Variants in LCTL observed in about 807,000 individuals in gnomAD.
LCTL encodes lactase like.
Under a neutral mutation model 75.8 loss-of-function variants are expected in LCTL, and 76 were observed. The ratio of observed to expected loss-of-function variants is 1.00; its 90% CI spans 0.83 to 1.21. The LOEUF is 1.21. Ranked by LOEUF, LCTL falls within the 50% of genes most tolerant of loss-of-function variation. LCTL has a pLI of 0.00. For missense variants in LCTL, 670 were observed against 712.4 expected (o/e 0.94, Z 0.68); for synonymous variants, 271 against 268.8 (o/e 1.01, Z -0.08).
rs143865288 is a variant in LCTL at position 66,558,030 on chromosome 15, C to T, written c.712G>A (p.Ala238Thr). 93 of 1,603,476 alleles carry T rather than the reference C, an allele frequency of 5.8e-5. No individual in the cohort carries two copies. Among genetic ancestry groups the T allele is most frequent in the African/African-American group, 2.5e-4 (19 of 74,682 alleles). The change falls in exon 7 of 13, where the codon GCC (alanine) becomes ACC (threonine). Residue 238 changes from alanine (A) to threonine (T), a missense_variant. Coordinates refer to ENST00000341509, the Ensembl canonical transcript of LCTL. ...GTGTTATAAGAATGCCAGGCTTTGG[C>T]GTGGGCCTGAAAGGGGAGCAGAAAT...
At chr15:66,565,106 G>A in intron 1 of LCTL, 142 bp downstream of exon 2, 1 of 719,146 alleles carries the variant, frequency 1.4e-6, no homozygotes, top group Non-Finnish European at 2.5e-6. Context: ...ATATCTGTTA[G>A]GAGCTTTTAG....
exon 6 of LCTL, chr15:66,561,027 C>T (rs775533108): frequency 5.0e-6 from 8 of 1,614,014 alleles, no homozygotes; most frequent in Non-Finnish European, 5.1e-6. Flanking sequence ...GGTGTGCTGC[C>T]TTGTACAGGC....
exon 9 of LCTL, chr15:66,553,085 G>C (rs763149542): frequency 5.6e-6 from 9 of 1,609,400 alleles, no homozygotes; most frequent in Middle Eastern, 1.7e-4. Flanking sequence ...ATCAAGTCAC[G>C]ATCGTTCTGG....
intron 11 of LCTL, 112 bp downstream of exon 12, chr15:66,551,550 C>T (rs1298660360): frequency 2.5e-6 from 2 of 810,864 alleles, no homozygotes; most frequent in East Asian, 2.4e-5. Flanking sequence ...GCCGCATGCC[C>T]CGTCCTCTTT....
At chr15:66,564,029 C>T in intron 2 of LCTL, 31 bp from the exon 4 acceptor site, 2 of 1,451,828 alleles carry the variant, frequency 1.4e-6, no homozygotes, top group Non-Finnish European at 9.7e-7. Context: ...AGACAGGTCA[C>T]CTGGGCCCTG....
chr15:66,559,841 C>G (rs1328219024), intron 6 of LCTL, among the ~76,000 whole-genome samples: 1 of 152,068 alleles, frequency 6.6e-6, no homozygotes, highest in Non-Finnish European at 1.5e-5. Context: ...AATCTCAGCA[C>G]TTTGGGATGC....
chr15:66,559,720 T>C (rs1379951078), intron 6 of LCTL, among the ~76,000 whole-genome samples: 1 of 151,964 alleles, frequency 6.6e-6, no homozygotes. Context: ...AATAAATAAA[T>C]AATCGCGTCT....
intron 6 of LCTL, among the ~76,000 whole-genome samples, chr15:66,558,300 T>C (rs895237862): frequency 6.6e-6 from 1 of 152,222 alleles, no homozygotes; most frequent in Non-Finnish European, 1.5e-5. Flanking sequence ...AGTTTCCTGT[T>C]TTGTTCCTCT....
At chr15:66,550,199 T>C (rs1311008632) in intron 11 of LCTL, 95 bp from the exon 13 acceptor site, 1 of 708,690 alleles carries the variant, frequency 1.4e-6, no homozygotes, top group East Asian at 2.7e-5. Context: ...AAAGTAAATA[T>C]TTTTTAAAAT....
Position 66,564,841 on chromosome 15 carries a change from T to G in LCTL, c.119-2A>C, listed in dbSNP as rs1426814483. 2 of 1,610,280 alleles carry G rather than the reference T, an allele frequency of 1.2e-6. No homozygotes were observed. Among genetic ancestry groups the G allele is most frequent in the South Asian group, 2.2e-5 (2 of 91,044 alleles). On this transcript the variant is annotated splice_acceptor_variant, in intron 1 of 12. Transcript: ENST00000341509. LOFTEE classifies it high-confidence loss of function. ...AACTGCCCACGCCCCAGGAGAAGCC[T>G]GCAGGGGGAGACCCGTGCTGGGTCC...
intron 8 of LCTL, among the ~76,000 whole-genome samples, chr15:66,555,628 C>T (rs536548395): frequency 4.5e-4 from 68 of 152,182 alleles, no homozygotes; most frequent in Non-Finnish European, 7.8e-4. Flanking sequence ...TTGACTCTGA[C>T]GCCAAAATCA....
At chr15:66,547,819 C>T (rs1248329921) in exon 13 of LCTL, 1 of 152,200 alleles carries the variant, frequency 6.6e-6, no homozygotes, top group Non-Finnish European at 1.5e-5. Flanking sequence ...CGGAGTCTTT[C>T]TCTGTTGCAC....
chr15:66,558,164 C>A, intron 6 of LCTL, 128 bp from the exon 8 acceptor site: 2 of 671,984 alleles, frequency 3.0e-6, no homozygotes, highest in South Asian at 3.8e-5. Flanking sequence ...TTGTTTATCC[C>A]GATCCAGTCT....
At chr15:66,564,746 T>C in exon 2 of LCTL, 1 of 1,613,356 alleles carries the variant, frequency 6.2e-7, no homozygotes, top group Non-Finnish European at 8.5e-7. Context: ...CTTCCCACTG[T>C]GTGTGAAGAC....
At chr15:66,549,931 A>C (rs1284291710) in intron 12 of LCTL, 110 bp downstream of exon 13, 1 of 599,816 alleles carries the variant, frequency 1.7e-6, no homozygotes, top group African/African-American at 1.9e-5. Flanking sequence ...AATCATAAGT[A>C]GTTTTGGAAG....
chr15:66,561,365 T>A (rs1410663773), intron 4 of LCTL, 50 bp from the exon 6 acceptor site: 5 of 1,608,900 alleles, frequency 3.1e-6, no homozygotes, highest in Non-Finnish European at 4.2e-6. Context: ...CAAAGCGGTT[T>A]AAATGTGGAG....
At chr15:66,564,819 T>C in exon 2 of LCTL, 1 of 1,612,596 alleles carries the variant, frequency 6.2e-7, no homozygotes, top group Non-Finnish European at 8.5e-7. Context: ...TAGGCAGAAC[T>C]GCCCACGCCC....
chr15:66,549,157 G>A (rs563209354), intron 12 of LCTL: 2 of 152,296 alleles, frequency 1.3e-5, no homozygotes, highest in African/African-American at 2.4e-5. Context: ...CTTTTATCTT[G>A]TGTGCTGGGT....
At chr15:66,555,616 T>C (rs1895723059) in intron 8 of LCTL, among the ~76,000 whole-genome samples, 1 of 152,102 alleles carries the variant, frequency 6.6e-6, no homozygotes, top group South Asian at 2.1e-4. Context: ...GGCAGTTATA[T>C]CTTGACTCTG....
Sources: allele counts gnomAD v4.1 joint callset (sites outside exome capture counted in the v4.1 genomes callset), GRCh38; gene constraint gnomAD v4.1.1; transcripts MANE v1.5; gene names NCBI Gene and HGNC (gene_info 2026-07-23, HGNC 2026-07-21).